Variants in ARID3A observed in about 807,000 individuals in gnomAD.
ARID3A encodes AT-rich interaction domain 3A.
ARID3A carries 11 observed loss-of-function variants against 52.7 expected under a neutral mutation model. The observed-to-expected ratio is 0.21, with a 90% CI of 0.13 to 0.35. The LOEUF (loss-of-function observed/expected upper bound fraction) is 0.35, where lower values mean the gene tolerates loss of function less well. Among genes scored for constraint, ARID3A ranks in the 10% least tolerant of loss-of-function variants. The pLI is 1.00. For synonymous variants in ARID3A, 404 were observed against 359.4 expected (o/e 1.12, Z -1.40); for missense variants, 721 against 838.5 (o/e 0.86, Z 1.73).
chr19:965,075 A>G lies in ARID3A; in HGVS notation c.1193A>G (p.Lys398Arg), dbSNP rs1414835402. 6.2e-7 allele frequency: 1 copy of G among 1,609,240 alleles called. No homozygotes were observed. The highest frequency in any genetic ancestry group is 8.5e-7 in the Non-Finnish European group (1 of 1,178,172). ...GSSITPAPKI[K>R]KEEDSAIPIT... ...TCCATCACCCCCGCCCCTAAGATCA[A>G]GAAAGGTAAGGGCCTGTATGGGGCC... The change falls in exon 6 of 9, where the codon AAG becomes AGG. Residue 398 changes from lysine (K) to arginine (R), a missense_variant. Lys to Arg is a conservative substitution (Grantham distance 26). This residue lies in a region of ARID3A where 297 missense variants were observed against 343.2 expected (regional missense o/e 0.87). Coordinates refer to ENST00000263620, the MANE Select transcript of ARID3A (RefSeq NM_005224.3).
At position 944,563 on chromosome 19, in the gene ARID3A, C is replaced by T. The variant is rs919508496; in HGVS notation, c.693+11821C>T. On this transcript the variant is annotated intron_variant, in intron 3 of 8. Transcript: ENST00000263620. The surrounding 1 kb of genome is among the most constrained non-coding windows in gnomAD (Gnocchi z 5.9). ...GCAAGTGAGCGTCCCCCACCCAGGA[C>T]CCCCGACCCCGGCCCTGGGAGGGCC... Among the ~76,000 whole-genome samples the T allele has an allele frequency of 6.6e-6, 1 of 152,136 alleles. No individual in the cohort carries two copies. Among genetic ancestry groups the T allele is most frequent in the African/African-American group, 2.4e-5 (1 of 41,426 alleles).
chr19:938,667 CG>C lies in ARID3A; in HGVS notation c.693+5928del, dbSNP rs2037484485. Among the ~76,000 whole-genome samples, 2 of 152,172 alleles carry C rather than the reference CG, an allele frequency of 1.3e-5. No individual in the cohort carries two copies. Among genetic ancestry groups the C allele is most frequent in the South Asian group, 4.1e-4 (2 of 4,838 alleles). On this transcript the variant is annotated intron_variant, in intron 3 of 8. Transcript: ENST00000263620. The surrounding 1 kb of genome is among the most constrained non-coding windows in gnomAD (Gnocchi z 4.0). ...AGTGCTGTCCTCATATCCAGGCCTC[CG>C]GGCCTGACAGCTGGGCGTGTGTGGG...
chr19:929,520 C>G lies in ARID3A; in HGVS notation c.-9C>G. On this transcript the variant is annotated 5_prime_UTR_variant, in exon 2 of 9. Coordinates refer to ENST00000263620, the MANE Select transcript of ARID3A (RefSeq NM_005224.3). This position sits in a 1 kb window ranked among gnomAD's most constrained non-coding sequence, Gnocchi z 6.2. Reference sequence around the variant, plus strand: ...TGGTGGTGGTGGTGGTGGCCCGGGCCGCAGGGCCATGAAACTACAGGCCGT... The same window carrying G: ...TGGTGGTGGTGGTGGTGGCCCGGGCGGCAGGGCCATGAAACTACAGGCCGT... The G allele has an allele frequency of 6.6e-7, 1 of 1,510,502 alleles. No homozygotes were observed. The highest frequency in any genetic ancestry group is 8.8e-7 in the Non-Finnish European group (1 of 1,136,022). The allele number at this position is 1,510,502 out of a possible 1,614,324, so 93.6% of individuals were successfully genotyped here.
Position 964,505 on chromosome 19 carries a change from GGGAGGGGGTGGTGGGCAGCTGCAGA to G in ARID3A, c.950+83_950+107del, listed in dbSNP as rs2038106017. 8 of 1,482,186 alleles carry G rather than the reference GGGAGGGGGTGGTGGGCAGCTGCAGA, an allele frequency of 5.4e-6. No homozygotes were observed. Among genetic ancestry groups the G allele is most frequent in the East Asian group, 5.0e-5 (2 of 40,376 alleles). 91.8% of individuals were successfully genotyped at this position (1,482,186 alleles called of 1,614,324 possible). ...GCCAGTGCAAGGGGCCTGCAGAAGA[GGGAGGGGGTGGTGGGCAGCTGCAGA>G]GGAGGGGGCAGTGGGCAGCCGCAAA... On this transcript the variant is annotated intron_variant, in intron 5 of 8. Coordinates refer to ENST00000263620, the MANE Select transcript of ARID3A (RefSeq NM_005224.3). This position sits in a 1 kb window ranked among gnomAD's most constrained non-coding sequence, Gnocchi z 5.7.
chr19:935,598 C>G lies in ARID3A; in HGVS notation c.693+2856C>G, dbSNP rs113811630. The stretch of plus-strand genomic sequence containing the variant: ...GTTCAAGCGATCCTTCTGCCTCAGC[C>G]TCCTGAGTAGCTGCGAGTACAGACG... On this transcript the variant is annotated intron_variant, in intron 3 of 8. Coordinates refer to ENST00000263620, the MANE Select transcript of ARID3A (RefSeq NM_005224.3). Among the ~76,000 whole-genome samples the G allele has an allele frequency of 2.4e-3, 361 of 152,290 alleles. 3 individuals carry two copies. The highest frequency in any genetic ancestry group is 8.3e-3 in the African/African-American group (347 of 41,560).
Position 965,932 on chromosome 19 carries a change from C to T in ARID3A, c.1199-640C>T, listed in dbSNP as rs139840948. ...GCTTGAACCCAGGTGGCAGAGGTTG[C>T]GGTGAGCCAAGATCACGTCACTGCA... On this transcript the variant is annotated intron_variant, in intron 6 of 8. Coordinates refer to ENST00000263620, the MANE Select transcript of ARID3A (RefSeq NM_005224.3). 5.4e-3 allele frequency among the ~76,000 whole-genome samples: 796 copies of T among 146,980 alleles called. 8 individuals are homozygous for T. The highest frequency in any genetic ancestry group is 0.019 in the African/African-American group (751 of 39,554).
intron 4 of ARID3A, among the ~76,000 whole-genome samples, chr19:961,068 C>T (rs979918553): frequency 1.3e-5 from 2 of 152,244 alleles, no homozygotes; most frequent in South Asian, 2.1e-4. Context: ...AGGTAGGAGC[C>T]GCCCCAACCC....
At chr19:967,184 G>A (rs529052959) in intron 7 of ARID3A, among the ~76,000 whole-genome samples, 2 of 151,926 alleles carry the variant, frequency 1.3e-5, no homozygotes, top group South Asian at 4.2e-4. Context: ...ACATGAACTG[G>A]GAGATGGAGG....
chr19:967,004 TC>T, intron 7 of ARID3A, 136 bp downstream of exon 7: 1 of 1,141,262 alleles, frequency 8.8e-7, no homozygotes, highest in Non-Finnish European at 1.2e-6. Context: ...ACATCTGTAA[TC>T]CCAGCACTTT....
intron 3 of ARID3A, among the ~76,000 whole-genome samples, chr19:935,608 G>A (rs568452416): frequency 1.3e-5 from 2 of 152,244 alleles, no homozygotes; most frequent in Non-Finnish European, 2.9e-5. Context: ...CTCCTGAGTA[G>A]CTGCGAGTAC....
At chr19:939,639 C>A (rs952666626) in intron 3 of ARID3A, among the ~76,000 whole-genome samples, 1 of 152,060 alleles carries the variant, frequency 6.6e-6, no homozygotes. Flanking sequence ...CCCGCCGCTG[C>A]CTTCGAGGAG....
chr19:953,812 G>A (rs2037856511), intron 3 of ARID3A, among the ~76,000 whole-genome samples: 1 of 152,202 alleles, frequency 6.6e-6, no homozygotes, highest in African/African-American at 2.4e-5. Flanking sequence ...GGGGGCTCCT[G>A]CCTGTAATCC....
chr19:932,530 CCCCCAGGCCCTGCCAGCTTGGGCA>C lies in ARID3A; in HGVS notation c.484_507del (p.Pro162_Thr169del), dbSNP rs1176083948. On this transcript the variant is annotated inframe_deletion, in exon 3 of 9. Coordinates refer to ENST00000263620, the MANE Select transcript of ARID3A (RefSeq NM_005224.3). ...GGAGGAGGACGAGGAGGGGCTGGGC[CCCCCAGGCCCTGCCAGCTTGGGCA>C]CCACGGCACTGTTCCCCCGAAAGGC... is the stretch of plus-strand genomic sequence containing the variant. 6.6e-7 allele frequency: 1 copy of C among 1,521,568 alleles called. No individual in the cohort carries two copies. The allele number at this position is 1,521,568 out of a possible 1,614,324, so 94.3% of individuals were successfully genotyped here.
intron 2 of ARID3A, 150 bp downstream of exon 2, chr19:930,046 G>T: frequency 8.3e-7 from 1 of 1,207,772 alleles, no homozygotes; most frequent in South Asian, 1.5e-5. Flanking sequence ...GGAGGATCAC[G>T]TGGGCCCAGG....
At chr19:932,910 G>A (rs1012111502) in intron 3 of ARID3A, among the ~76,000 whole-genome samples, 168 bp downstream of exon 3, 3 of 152,210 alleles carry the variant, frequency 2.0e-5, no homozygotes. Flanking sequence ...GCGTGGGCTC[G>A]ACCAGCTGGC....
chr19:942,365 C>T lies in ARID3A; in HGVS notation c.693+9623C>T, dbSNP rs899991026. On this transcript the variant is annotated intron_variant, in intron 3 of 8. Coordinates refer to ENST00000263620, the MANE Select transcript of ARID3A (RefSeq NM_005224.3). The surrounding 1 kb of genome is among the most constrained non-coding windows in gnomAD (Gnocchi z 8.1). ...CGGTGGCACCCAGGGGCGTCACCCA[C>T]GAGGGACGCTTGACTCAAGGTCCTC... Among the ~76,000 whole-genome samples, 5 of 152,282 alleles carry T rather than the reference C, an allele frequency of 3.3e-5. No individual in the cohort carries two copies. The highest frequency in any genetic ancestry group is 2.1e-4 in the South Asian group (1 of 4,830).
At position 975,275 on chromosome 19, in the gene ARID3A, G is replaced by A. The variant is rs2038356871; in HGVS notation, c.*3210G>A. The A allele has an allele frequency of 8.6e-6, 2 of 231,734 alleles. No homozygotes were observed. The highest frequency in any genetic ancestry group is 2.2e-5 in the African/African-American group (1 of 45,212). 14.4% of individuals were successfully genotyped at this position (231,734 alleles called of 1,614,324 possible). ...GTCAAGGCCAACGGGGGCTCCCCCT[G>A]CTCTGAGATGTTGGGAGAAAGGCGG... On this transcript the variant is annotated 3_prime_UTR_variant, in exon 9 of 9. Transcript: ENST00000263620.
Position 929,450 on chromosome 19 carries a change from G to A in ARID3A, c.-79G>A. On this transcript the variant is annotated 5_prime_UTR_variant, in exon 2 of 9. Transcript: ENST00000263620. This position sits in a 1 kb window ranked among gnomAD's most constrained non-coding sequence, Gnocchi z 6.2. ...AGTGCGGCCGGGCCCCCTCCCCGCA[G>A]GGGCCGCCCCCGCCGCCCACCCCTA... The A allele has an allele frequency of 8.6e-7, 1 of 1,156,402 alleles. No homozygotes were observed. The highest frequency in any genetic ancestry group is 1.1e-6 in the Non-Finnish European group (1 of 919,234). 71.6% of individuals were successfully genotyped at this position (1,156,402 alleles called of 1,614,324 possible).
intron 3 of ARID3A, among the ~76,000 whole-genome samples, chr19:949,645 C>T (rs1045859720): frequency 6.6e-6 from 1 of 150,784 alleles, no homozygotes; most frequent in Non-Finnish European, 1.5e-5. Context: ...GCTGGATTCC[C>T]GCCACTGTGC....
Sources: gnomAD v4.1 joint callset for allele counts (sites outside exome capture counted in the v4.1 genomes callset) on GRCh38, gnomAD v4.1.1 for gene constraint, gnomAD v4.1.1 regional missense constraint, Gnocchi (gnomAD v3.1) non-coding constraint, MANE v1.5 for transcripts, NCBI Gene and HGNC (gene_info 2026-07-23, HGNC 2026-07-21) for gene names.